LRP6: variants seen among roughly 807,000 people sequenced by gnomAD.
LRP6 encodes the protein low-density lipoprotein receptor-related protein 6.
In LRP6, 43 loss-of-function variants were observed where a neutral mutation model predicts 184.1. The ratio of observed to expected loss-of-function variants is 0.23; its 90% CI spans 0.18 to 0.30. The LOEUF (loss-of-function observed/expected upper bound fraction) is 0.30, where lower values mean the gene tolerates loss of function less well. LRP6 is among the 10% of genes least tolerant of loss of function. The pLI, the probability that LRP6 is intolerant of heterozygous loss-of-function variation, is 1.00. For missense variants in LRP6, 1,571 were observed against 2,005.3 expected (o/e 0.78, Z 4.14); for synonymous variants, 719 against 684.9 (o/e 1.05, Z -0.78).
chr12:12,228,374 G>A (rs568033153), intron 2 of LRP6, among the ~76,000 whole-genome samples: 39 of 152,102 alleles, frequency 2.6e-4, no homozygotes, highest in Non-Finnish European at 3.8e-4. Flanking sequence ...AAAAAAAAAA[G>A]AAAGAGAACC....
In LRP6 at chr12:12,126,721, G is replaced by A; in HGVS notation, c.4282C>T (p.His1428Tyr). The A allele has an allele frequency of 1.9e-6, 3 of 1,614,106 alleles. No individual in the cohort carries two copies. Among genetic ancestry groups the A allele is most frequent in the Middle Eastern group, 3.3e-4 (2 of 6,062 alleles). ...AGAGATCCTGACAAAGAACTTGGGT[G>A]TGGCACATAACCAAGAGGCACAGAA... ...PASVPLGYVP[H>Y]PSSLSGSLPG... Residue 1428 changes from histidine (H) to tyrosine (Y), a missense_variant, in exon 20 of 23, where the codon CAC becomes TAC. Transcript: ENST00000261349.
At position 12,212,998 on chromosome 12, in the gene LRP6, A is replaced by C. The variant is rs572976067; in HGVS notation, c.450-9598T>G. On this transcript the variant is annotated intron_variant, in intron 2 of 22. Transcript: ENST00000261349. ...TGTGGATATTATAAAGATATTGTTGAATATATTTTTCATTATATCATATAG... is the reference window on the plus strand; with the variant it reads ...TGTGGATATTATAAAGATATTGTTGCATATATTTTTCATTATATCATATAG... 3.3e-5 allele frequency among the ~76,000 whole-genome samples: 5 copies of C among 152,326 alleles called. No individual in the cohort carries two copies. The East Asian group carries it at 9.6e-4, about 29-fold the overall frequency.
rs767398348 is a variant in LRP6 at position 12,179,944 on chromosome 12, T to C, written c.1411A>G (p.Ile471Val). 6.2e-7 allele frequency: 1 copy of C among 1,613,946 alleles called. No individual in the cohort carries two copies. The highest frequency in any genetic ancestry group is 2.2e-5 in the East Asian group (1 of 44,864). The change falls in exon 7 of 23, where the codon ATT becomes GTT. Residue 471 changes from isoleucine to valine, a missense_variant. This residue lies in a region of LRP6 where 640 missense variants were observed against 851.9 expected (regional missense o/e 0.75). Transcript: ENST00000261349. ...GAACCATCCAGAGCTGCTCGCTCAA[T>C]TTTCGGAATTTCTCCCCAGTCAGTC... ...YWTDWGEIPK[I>V]ERAALDGSDR...
intron 15 of LRP6, among the ~76,000 whole-genome samples, chr12:12,146,892 C>T (rs911030756): frequency 1.3e-5 from 2 of 152,192 alleles, no homozygotes; most frequent in Admixed American, 6.5e-5. Context: ...GTGGCTTACG[C>T]CTGTAATCCC....
At chr12:12,143,290 C>A (rs1949958814) in intron 15 of LRP6, among the ~76,000 whole-genome samples, 1 of 152,036 alleles carries the variant, frequency 6.6e-6, no homozygotes, top group Admixed American at 6.5e-5. Context: ...GGAGATTTAC[C>A]ATGATCATGG....
intron 2 of LRP6, among the ~76,000 whole-genome samples, chr12:12,234,840 T>C (rs1279909447): frequency 6.6e-6 from 1 of 150,758 alleles, no homozygotes; most frequent in Admixed American, 6.6e-5. Context: ...AAAAAAAGAA[T>C]ATACACATTC....
chr12:12,197,249 C>T (rs1863786638), intron 3 of LRP6, among the ~76,000 whole-genome samples: 3 of 152,212 alleles, frequency 2.0e-5, no homozygotes. Flanking sequence ...TAGTCTTTAA[C>T]AGCCTCCTTA....
At chr12:12,249,123 A>T in intron 1 of LRP6, 1 of 705,870 alleles carries the variant, frequency 1.4e-6, no homozygotes, top group South Asian at 1.5e-5. Context: ...CGTGACACTT[A>T]CAAGACGTAC....
At chr12:12,250,609 C>T (rs117473698) in intron 1 of LRP6, among the ~76,000 whole-genome samples, 1,525 of 152,128 alleles carry the variant, frequency 0.01, 11 homozygotes, top group Non-Finnish European at 0.016. Flanking sequence ...ATATCATATA[C>T]ATATTTACTA....
intron 3 of LRP6, among the ~76,000 whole-genome samples, chr12:12,197,679 A>C (rs528535319): frequency 6.6e-6 from 1 of 152,344 alleles, no homozygotes; most frequent in Non-Finnish European, 1.5e-5. Flanking sequence ...ATACTCACTT[A>C]CTTGATGCAA....
chr12:12,169,385 G>A (rs151202582), intron 7 of LRP6, among the ~76,000 whole-genome samples: 1 of 152,104 alleles, frequency 6.6e-6, no homozygotes, highest in Non-Finnish European at 1.5e-5. Flanking sequence ...TTTCAGAATT[G>A]CAGATAAAGG....
At chr12:12,196,764 T>C (rs1250338600) in intron 3 of LRP6, among the ~76,000 whole-genome samples, 1 of 152,210 alleles carries the variant, frequency 6.6e-6, no homozygotes, top group Non-Finnish European at 1.5e-5. Flanking sequence ...GGCCAGCTGA[T>C]ATACAGCCTT....
chr12:12,162,432 A>T lies in LRP6; in HGVS notation c.2053-13T>A. ...CTCTGCTGATGGTCTGCAAAAGAAC[A>T]TTAACAACTAAGTCATATGGCATAA... On this transcript the variant is annotated splice_polypyrimidine_tract_variant and intron_variant, in intron 9 of 22. Transcript: ENST00000261349. 2.5e-6 allele frequency: 4 copies of T among 1,598,828 alleles called. No homozygotes were observed. The highest frequency in any genetic ancestry group is 3.4e-6 in the Non-Finnish European group (4 of 1,166,046).
chr12:12,180,934 C>G (rs983472007), intron 6 of LRP6, 109 bp downstream of exon 6: 3 of 1,135,430 alleles, frequency 2.6e-6, no homozygotes, highest in Admixed American at 1.8e-5. Flanking sequence ...CATTAAAGAG[C>G]TGTTTACTGG....
intron 3 of LRP6, among the ~76,000 whole-genome samples, chr12:12,189,887 G>A (rs7973718): frequency 0.13 from 19,582 of 151,776 alleles, 1,660 homozygotes; most frequent in African/African-American, 0.24. Context: ...CTTTCTCTAC[G>A]TTCTCATAAC....
chr12:12,149,606 T>C (rs546977340), intron 13 of LRP6, among the ~76,000 whole-genome samples: 12 of 152,308 alleles, frequency 7.9e-5, no homozygotes, highest in African/African-American at 2.6e-4. Flanking sequence ...AACTGGTAAC[T>C]AGCAGGCAGA....
intron 15 of LRP6, among the ~76,000 whole-genome samples, chr12:12,143,036 AAAGAT>A (rs1273000766): frequency 4.6e-4 from 70 of 152,310 alleles, no homozygotes; most frequent in African/African-American, 1.5e-3. Flanking sequence ...AAAAAATCCT[AAAGAT>A]AAGTATACTT....
At chr12:12,247,588 A>G (rs1399115020) in intron 1 of LRP6, among the ~76,000 whole-genome samples, 2 of 152,172 alleles carry the variant, frequency 1.3e-5, no homozygotes, top group Non-Finnish European at 2.9e-5. Context: ...CATAAACCAC[A>G]CTATTGAAAG....
chr12:12,259,279 A>G (rs1160454838), intron 1 of LRP6, among the ~76,000 whole-genome samples: 1 of 151,974 alleles, frequency 6.6e-6, no homozygotes, highest in East Asian at 1.9e-4. Context: ...AAAAAAAAAA[A>G]AAGACTACTG....
Sources: gnomAD v4.1 joint callset for allele counts (sites outside exome capture counted in the v4.1 genomes callset) on GRCh38, gnomAD v4.1.1 for gene constraint, gnomAD v4.1.1 regional missense constraint, MANE v1.5 for transcripts, NCBI Gene and HGNC (gene_info 2026-07-23, HGNC 2026-07-21) for gene names.